Variants in COL27A1 observed in about 807,000 individuals in gnomAD.
COL27A1 encodes the protein collagen type XXVII alpha 1 chain.
COL27A1 carries 106 observed loss-of-function variants against 251.3 expected under a neutral mutation model. That is an observed-to-expected ratio of 0.42 (90% CI 0.36 to 0.50). The LOEUF (loss-of-function observed/expected upper bound fraction) is 0.50. COL27A1 is among the 20% of genes least tolerant of loss of function. COL27A1 has a pLI of 0.00. For synonymous variants in COL27A1, 1,000 were observed against 986.3 expected, an observed-to-expected ratio of 1.01 and a Z score of -0.26; for missense variants, 2,325 against 2,522.8, an observed-to-expected ratio of 0.92 and a Z score of 1.68.
At chr9:114,175,370 G>A (rs946350677) in intron 3 of COL27A1, among the ~76,000 whole-genome samples, 1 of 152,260 alleles carries the variant, frequency 6.6e-6, no homozygotes, top group Non-Finnish European at 1.5e-5. Context: ...GAAAGAAATG[G>A]CAGCGTTTTT....
chr9:114,243,915 T>C (rs890694024), intron 23 of COL27A1, among the ~76,000 whole-genome samples: 1 of 145,636 alleles, frequency 6.9e-6, no homozygotes, highest in Middle Eastern at 3.5e-3. Flanking sequence ...CGTTTCTGTT[T>C]TTTTCTTTCA....
At chr9:114,158,053 G>A (rs1352082631) in intron 1 of COL27A1, among the ~76,000 whole-genome samples, 1 of 152,212 alleles carries the variant, frequency 6.6e-6, no homozygotes, top group African/African-American at 2.4e-5. Flanking sequence ...TCCCATGGAG[G>A]ACGTGGAAGC....
intron 14 of COL27A1, among the ~76,000 whole-genome samples, chr9:114,228,684 G>C (rs978099130): frequency 1.3e-5 from 2 of 152,206 alleles, no homozygotes; most frequent in African/African-American, 4.8e-5. Flanking sequence ...GCTGTGGTGA[G>C]GAATTACTGG....
chr9:114,263,623 G>A (rs1219664836), intron 28 of COL27A1, among the ~76,000 whole-genome samples: 1 of 152,144 alleles, frequency 6.6e-6, no homozygotes, highest in Non-Finnish European at 1.5e-5. Context: ...CACTTCCCTT[G>A]GCTGGGCCTT....
chr9:114,242,013 C>G (rs1832793099), intron 21 of COL27A1, among the ~76,000 whole-genome samples, 174 bp from the exon 22 acceptor site: 1 of 152,234 alleles, frequency 6.6e-6, no homozygotes, highest in Non-Finnish European at 1.5e-5. Flanking sequence ...AGGCCATGGC[C>G]AGTGGAGCCT....
chr9:114,289,041 G>T, intron 44 of COL27A1, 74 bp downstream of exon 44: 3 of 1,559,240 alleles, frequency 1.9e-6, no homozygotes, highest in Non-Finnish European at 2.6e-6. Context: ...AAAGAACTAG[G>T]CCCTTTAAAG....
intron 3 of COL27A1, among the ~76,000 whole-genome samples, chr9:114,172,180 A>T (rs1225052578): frequency 1.3e-5 from 2 of 152,190 alleles, no homozygotes; most frequent in African/African-American, 2.4e-5. Context: ...TCACTTCTTC[A>T]CCAGATACCA....
intron 13 of COL27A1, among the ~76,000 whole-genome samples, chr9:114,221,191 G>T (rs1476562276): frequency 6.6e-6 from 1 of 152,072 alleles, no homozygotes; most frequent in Admixed American, 6.6e-5. Context: ...GATCAGAGAG[G>T]TCCCAGGTGC....
At chr9:114,258,140 G>A (rs545830127) in intron 27 of COL27A1, among the ~76,000 whole-genome samples, 6 of 152,310 alleles carry the variant, frequency 3.9e-5, no homozygotes, top group Non-Finnish European at 8.8e-5. Context: ...AGGCTGCACT[G>A]CACTCCAGCC....
At chr9:114,252,570 C>T (rs1833614763) in intron 25 of COL27A1, 23 bp from the exon 26 acceptor site, 1 of 1,612,684 alleles carries the variant, frequency 6.2e-7, no homozygotes, top group African/African-American at 1.3e-5. Flanking sequence ...CGTGACCTGC[C>T]TGCATTGCTG....
At chr9:114,175,965 A>G (rs1311109185) in intron 3 of COL27A1, among the ~76,000 whole-genome samples, 1 of 152,182 alleles carries the variant, frequency 6.6e-6, no homozygotes, top group Non-Finnish European at 1.5e-5. Context: ...TCTTCATTTC[A>G]CAGATGTCCA....
At chr9:114,260,479 C>T (rs529514790) in intron 28 of COL27A1, among the ~76,000 whole-genome samples, 1 of 152,330 alleles carries the variant, frequency 6.6e-6, no homozygotes, top group African/African-American at 2.4e-5. Context: ...GATCAGCTCC[C>T]GGTTTGCCCT....
At chr9:114,202,373 G>A (rs1829637682) in intron 7 of COL27A1, among the ~76,000 whole-genome samples, 2 of 152,196 alleles carry the variant, frequency 1.3e-5, no homozygotes, top group Admixed American at 6.5e-5. Context: ...GATCTTTGCA[G>A]GCAGGTAGAA....
At position 114,194,475 on chromosome 9, in the gene COL27A1, C is replaced by G; in HGVS notation, c.2070+18C>G. ...GGGCAAAGGTAGGTTTCCAGGGACC[C>G]CAGTTCTCAGGGAAGAGGGGAGTGG... On this transcript the variant is annotated intron_variant, in intron 6 of 60. Coordinates refer to ENST00000356083, the MANE Select transcript of COL27A1 (RefSeq NM_032888.4). 6.2e-7 allele frequency: 1 copy of G among 1,607,168 alleles called. No individual in the cohort carries two copies. Among genetic ancestry groups the G allele is most frequent in the Non-Finnish European group, 8.5e-7 (1 of 1,175,604 alleles).
chr9:114,288,749 G>C lies in COL27A1; in HGVS notation c.4092G>C (p.Gly1364=), dbSNP rs151004313. ...RGDRGEPGDP[G]YPGQEGVQGL... Reference sequence around the variant, plus strand: ...ACCGCGGGGAACCGGGAGACCCTGGGTACCCTGTAAGTATCAGAGCTCCTA... The same window carrying C: ...ACCGCGGGGAACCGGGAGACCCTGGCTACCCTGTAAGTATCAGAGCTCCTA... The change falls in exon 43 of 61, where the codon GGG becomes GGC. Residue 1364 remains glycine (G), a synonymous_variant. Coordinates refer to ENST00000356083, the MANE Select transcript of COL27A1 (RefSeq NM_032888.4). The C allele has an allele frequency of 6.2e-7, 1 of 1,610,492 alleles. No individual in the cohort carries two copies. Among genetic ancestry groups the C allele is most frequent in the African/African-American group, 1.3e-5 (1 of 74,866 alleles).
At chr9:114,158,529 C>T (rs1848277804) in intron 1 of COL27A1, among the ~76,000 whole-genome samples, 1 of 152,218 alleles carries the variant, frequency 6.6e-6, no homozygotes. Context: ...CTCCTGGCCT[C>T]CCTGGCCTCT....
chr9:114,278,192 T>A (rs1835622274), intron 37 of COL27A1, among the ~76,000 whole-genome samples: 1 of 147,606 alleles, frequency 6.8e-6, no homozygotes, highest in Non-Finnish European at 1.5e-5. Flanking sequence ...GCAGCAGCAA[T>A]GGTAGTGGTG....
intron 2 of COL27A1, 114 bp from the exon 3 acceptor site, chr9:114,167,574 GA>G: frequency 1.2e-6 from 1 of 845,032 alleles, no homozygotes; most frequent in African/African-American, 1.7e-5. Flanking sequence ...ATGAACAAAG[GA>G]CCAGGTAGCT....
At chr9:114,187,738 G>A (rs570325441) in intron 5 of COL27A1, among the ~76,000 whole-genome samples, 1 of 152,274 alleles carries the variant, frequency 6.6e-6, no homozygotes, top group South Asian at 2.1e-4. Context: ...CATCACATAT[G>A]ATTTAATAGC....
Sources: gnomAD v4.1 joint callset for allele counts (sites outside exome capture counted in the v4.1 genomes callset) on GRCh38, gnomAD v4.1.1 for gene constraint, MANE v1.5 for transcripts, NCBI Gene and HGNC (gene_info 2026-07-23, HGNC 2026-07-21) for gene names.